USP18: variants seen among roughly 807,000 people sequenced by gnomAD.
USP18 encodes ubiquitin specific peptidase 18, also known as ubl carboxyl-terminal hydrolase 18.
In USP18, 11 loss-of-function variants were observed where a neutral mutation model predicts 48.7. The observed-to-expected ratio is 0.23, with a 90% CI of 0.14 to 0.37. USP18 has a LOEUF of 0.37. Among genes scored for constraint, USP18 ranks in the 10% least tolerant of loss-of-function variants. USP18 has a pLI of 1.00. For synonymous variants in USP18, 114 were observed against 163.2 expected, an observed-to-expected ratio of 0.70 and a Z score of 2.30; for missense variants, 285 against 436.4, an observed-to-expected ratio of 0.65 and a Z score of 3.09.
At chr22:18,173,873 G>C (rs764189900) in intron 10 of USP18, 31 bp downstream of exon 10, 26 of 1,564,554 alleles carry the variant, frequency 1.7e-5, no homozygotes, top group South Asian at 6.9e-5. Flanking sequence ...ATTGGAGTCT[G>C]ATGAGCTCAC....
intron 1 of USP18, among the ~76,000 whole-genome samples, chr22:18,155,729 G>T (rs1450834603): frequency 1.3e-5 from 2 of 152,238 alleles, no homozygotes; most frequent in Non-Finnish European, 2.9e-5. Flanking sequence ...GGCAGGGCAG[G>T]GCTCGGGACC....
chr22:18,163,391 C>G (rs1340879607), intron 4 of USP18, among the ~76,000 whole-genome samples: 1 of 152,086 alleles, frequency 6.6e-6, no homozygotes, highest in Admixed American at 6.5e-5. Flanking sequence ...CGCCTGTAAT[C>G]CCAGCACTTT....
At chr22:18,163,477 A>G (rs1275500650) in intron 4 of USP18, among the ~76,000 whole-genome samples, 2 of 151,924 alleles carry the variant, frequency 1.3e-5, no homozygotes, top group Non-Finnish European at 2.9e-5. Context: ...CCCTGTCTCT[A>G]CTAAAAATAC....
At position 18,173,847 on chromosome 22, in the gene USP18, G is replaced by T. The variant is rs1305403022; in HGVS notation, c.1073+5G>T. The stretch of plus-strand genomic sequence containing the variant: ...CGGAAATCCTAACTACCACTGGTAA[G>T]AAACAGATTTGGGTAATTGGAGTCT... On this transcript the variant is annotated splice_donor_5th_base_variant and intron_variant, in intron 10 of 10. Transcript: ENST00000215794. 1.3e-6 allele frequency: 2 copies of T among 1,599,352 alleles called. No individual in the cohort carries two copies. Among genetic ancestry groups the T allele is most frequent in the Admixed American group, 3.4e-5 (2 of 59,464 alleles).
At chr22:18,167,435 C>T in intron 5 of USP18, 101 bp downstream of exon 5, 1 of 1,364,330 alleles carries the variant, frequency 7.3e-7, no homozygotes, top group Admixed American at 2.1e-5. Flanking sequence ...AAGAGTTAAT[C>T]CCCTGTAATC....
At chr22:18,151,202 C>A (rs1928991634) in intron 1 of USP18, among the ~76,000 whole-genome samples, 1 of 152,154 alleles carries the variant, frequency 6.6e-6, no homozygotes. Flanking sequence ...CTTAACCTCT[C>A]TTCTTCACAC....
At chr22:18,155,704 C>T (rs1226530620) in intron 1 of USP18, among the ~76,000 whole-genome samples, 1 of 152,226 alleles carries the variant, frequency 6.6e-6, no homozygotes, top group Non-Finnish European at 1.5e-5. Flanking sequence ...TCTCGCCGGG[C>T]CTTAGCTGCC....
At chr22:18,155,313 TG>T (rs1929098194) in intron 1 of USP18, among the ~76,000 whole-genome samples, 2 of 152,174 alleles carry the variant, frequency 1.3e-5, no homozygotes, top group Non-Finnish European at 1.5e-5. Context: ...TGCCCAGTAC[TG>T]GGTTTTACTG....
chr22:18,156,654 G>A (rs770646277), intron 1 of USP18, among the ~76,000 whole-genome samples: 39 of 151,168 alleles, frequency 2.6e-4, no homozygotes, highest in Non-Finnish European at 5.3e-4. Context: ...CAGATGCGCC[G>A]TATTAGGAGC....
intron 4 of USP18, among the ~76,000 whole-genome samples, chr22:18,163,458 A>G (rs922202395): frequency 6.6e-6 from 1 of 152,018 alleles, no homozygotes; most frequent in African/African-American, 2.4e-5. Context: ...CCTGGCTAAC[A>G]CGGTGAAACC....
intron 2 of USP18, among the ~76,000 whole-genome samples, chr22:18,158,122 T>C (rs888506110): frequency 1.3e-5 from 2 of 152,136 alleles, no homozygotes; most frequent in Non-Finnish European, 2.9e-5. Context: ...ACCCCGTCTC[T>C]ACTAAAAATA....
chr22:18,169,778 A>G (rs1929576099), intron 6 of USP18, 66 bp from the exon 7 acceptor site: 1 of 1,536,380 alleles, frequency 6.5e-7, no homozygotes, highest in African/African-American at 1.4e-5. Context: ...GTGAGAACAG[A>G]TGAATATAGT....
intron 2 of USP18, among the ~76,000 whole-genome samples, chr22:18,159,060 G>C (rs1012843703): frequency 6.6e-6 from 1 of 151,108 alleles, no homozygotes. Context: ...CGAACTTTTT[G>C]TGTGTGTGTG....
chr22:18,168,402 C>A (rs545397614), intron 6 of USP18, among the ~76,000 whole-genome samples: 1 of 151,830 alleles, frequency 6.6e-6, no homozygotes, highest in Non-Finnish European at 1.5e-5. Flanking sequence ...ACCTCCCCCC[C>A]CCCTTTTTTT....
At chr22:18,151,838 C>T (rs760332312) in intron 1 of USP18, among the ~76,000 whole-genome samples, 1 of 152,062 alleles carries the variant, frequency 6.6e-6, no homozygotes, top group Non-Finnish European at 1.5e-5. Flanking sequence ...AGGTGGATCA[C>T]GAGGTCAGGA....
chr22:18,162,287 GTTTT>G (rs869289414), intron 4 of USP18, among the ~76,000 whole-genome samples: 1 of 137,252 alleles, frequency 7.3e-6, no homozygotes, highest in Non-Finnish European at 1.6e-5. Flanking sequence ...AATAGGTTAG[GTTTT>G]TTTTTTTTTT....
intron 8 of USP18, among the ~76,000 whole-genome samples, chr22:18,171,353 A>T (rs1174964094): frequency 7.3e-6 from 1 of 136,370 alleles, no homozygotes; most frequent in African/African-American, 2.9e-5. Flanking sequence ...ACACAAGGCC[A>T]GGTGATGTGG....
At chr22:18,170,044 A>G (rs2123740002) in intron 7 of USP18, 105 bp downstream of exon 7, 1 of 1,286,460 alleles carries the variant, frequency 7.8e-7, no homozygotes, top group East Asian at 2.5e-5. Context: ...AGTCACACCC[A>G]GTCGGCCCTG....
Position 18,173,824 on chromosome 22 carries a change from G to A in USP18, c.1055G>A (p.Gly352Glu), listed in dbSNP as rs771621331. Reference sequence around the variant, plus strand: ...TGGGAAGACATCCAGTGTACCTACGGAAATCCTAACTACCACTGGTAAGAA... The same window carrying A: ...TGGGAAGACATCCAGTGTACCTACGAAAATCCTAACTACCACTGGTAAGAA... The part of the protein sequence containing the change: ...VSWEDIQCTY[G>E]NPNYHWQETA... Residue 352 changes from glycine (G) to glutamate (E), a missense_variant, in exon 10 of 11, where the codon GGA becomes GAA. This residue lies in a region of USP18 where 44 missense variants were observed against 64.4 expected (regional missense o/e 0.68). Transcript: ENST00000215794. The A allele has an allele frequency of 6.2e-7, 1 of 1,604,760 alleles. No individual in the cohort carries two copies.
Sources: allele counts gnomAD v4.1 joint callset (sites outside exome capture counted in the v4.1 genomes callset), GRCh38; gene constraint gnomAD v4.1.1; regional missense constraint gnomAD v4.1.1; transcripts MANE v1.5; gene names NCBI Gene and HGNC (gene_info 2026-07-23, HGNC 2026-07-21).